Variants in NAA15 observed in about 807,000 individuals in gnomAD.
NAA15 encodes N-terminal acetyltransferase.
A neutral mutation model predicts 114.0 loss-of-function variants in NAA15; 34 were observed. The observed-to-expected ratio is 0.30, with a 90% CI of 0.23 to 0.40. NAA15 has a LOEUF of 0.40. Ranked by LOEUF, NAA15 falls within the 10% of genes least tolerant of loss-of-function variation. The pLI, the probability that NAA15 is intolerant of heterozygous loss-of-function variation, is 1.00. For synonymous variants in NAA15, 340 were observed against 338.0 expected, an observed-to-expected ratio of 1.01 and a Z score of -0.06; for missense variants, 658 against 1,004.5, an observed-to-expected ratio of 0.66 and a Z score of 4.66.
intron 12 of NAA15, 50 bp downstream of exon 12, chr4:139,359,945 T>A: frequency 6.8e-7 from 1 of 1,478,832 alleles, no homozygotes; most frequent in East Asian, 2.5e-5. Context: ...CATGAGCCAG[T>A]TCATACTTGT....
intron 1 of NAA15, among the ~76,000 whole-genome samples, chr4:139,326,405 G>A (rs551511569): frequency 1.2e-4 from 18 of 152,072 alleles, no homozygotes; most frequent in African/African-American, 4.3e-4. Context: ...CTCAGTAAAT[G>A]CTCATTAAAT....
intron 6 of NAA15, among the ~76,000 whole-genome samples, chr4:139,348,280 C>T (rs1189524271): frequency 6.6e-6 from 1 of 151,858 alleles, no homozygotes; most frequent in Non-Finnish European, 1.5e-5. Flanking sequence ...ATGGCGAAAA[C>T]CCATCTCTAC....
At chr4:139,387,461 C>T (rs1021774365) in intron 19 of NAA15, among the ~76,000 whole-genome samples, 2 of 152,164 alleles carry the variant, frequency 1.3e-5, no homozygotes, top group Non-Finnish European at 2.9e-5. Context: ...CTGGCTGGCT[C>T]TAAGCTTTCA....
intron 1 of NAA15, among the ~76,000 whole-genome samples, chr4:139,309,806 G>A (rs1049735262): frequency 3.9e-5 from 6 of 152,252 alleles, no homozygotes; most frequent in African/African-American, 1.4e-4. Context: ...GTAGTAGATG[G>A]ACAACACTAT....
intron 1 of NAA15, among the ~76,000 whole-genome samples, chr4:139,315,006 T>TTTAGTTTAGGTTAGGTTAGTTTAGG (rs773285130): frequency 9.8e-6 from 1 of 101,530 alleles, no homozygotes; most frequent in Non-Finnish European, 2.0e-5. Context: ...TTCAGTTTAG[T>TTTAGTTTAGGTTAGGTTAGTTTAGG]TTAGGTTAGG....
intron 1 of NAA15, among the ~76,000 whole-genome samples, chr4:139,322,875 A>G (rs2110868537): frequency 6.6e-6 from 1 of 151,836 alleles, no homozygotes; most frequent in South Asian, 2.1e-4. Context: ...TATTTTTAGT[A>G]GAGATGGGTT....
chr4:139,343,732 A>G lies in NAA15; in HGVS notation c.538-454A>G, dbSNP rs569437633. 2.2e-4 allele frequency among the ~76,000 whole-genome samples: 34 copies of G among 152,348 alleles called. No individual in the cohort carries two copies. The South Asian group carries it at 7.0e-3, about 32-fold the overall frequency. On this transcript the variant is annotated intron_variant, in intron 5 of 19. Coordinates refer to ENST00000296543, the MANE Select transcript of NAA15 (RefSeq NM_057175.5). Reference sequence around the variant, plus strand: ...TGGTGAAAGTTGTATTTGCAGTTGTAAACGTATTTTTCTCTCTTTGTGTTT... The same window carrying G: ...TGGTGAAAGTTGTATTTGCAGTTGTGAACGTATTTTTCTCTCTTTGTGTTT...
intron 1 of NAA15, among the ~76,000 whole-genome samples, chr4:139,307,677 C>T (rs776931636): frequency 4.6e-5 from 7 of 152,128 alleles, no homozygotes; most frequent in Non-Finnish European, 1.0e-4. Flanking sequence ...GAATGGTTAC[C>T]GTTTTGGACA....
intron 15 of NAA15, 136 bp from the exon 16 acceptor site, chr4:139,376,229 G>A: frequency 1.7e-6 from 1 of 589,420 alleles, no homozygotes; most frequent in Non-Finnish European, 2.9e-6. Context: ...GGTTATAGGA[G>A]GTTAAAATAT....
chr4:139,369,775 G>A (rs1422380471), intron 14 of NAA15, among the ~76,000 whole-genome samples: 2 of 151,602 alleles, frequency 1.3e-5, no homozygotes, highest in Admixed American at 6.6e-5. Flanking sequence ...ATACATATGG[G>A]GACATTTACA....
At chr4:139,308,178 G>C (rs972590950) in intron 1 of NAA15, among the ~76,000 whole-genome samples, 1 of 151,970 alleles carries the variant, frequency 6.6e-6, no homozygotes, top group Non-Finnish European at 1.5e-5. Flanking sequence ...AGCCAGGATG[G>C]TCTCGATCTC....
At chr4:139,333,154 GT>G (rs35845314) in intron 1 of NAA15, among the ~76,000 whole-genome samples, 53,655 of 149,654 alleles carry the variant, frequency 0.36, 11,157 homozygotes, top group East Asian at 0.5. Context: ...TATAGATGCA[GT>G]TTTTTTTTTT....
chr4:139,310,657 C>T (rs1482369445), intron 1 of NAA15, among the ~76,000 whole-genome samples: 1 of 151,526 alleles, frequency 6.6e-6, no homozygotes, highest in African/African-American at 2.4e-5. Context: ...TTTGCTCTGT[C>T]ACTCAGCCTA....
intron 11 of NAA15, 146 bp from the exon 12 acceptor site, chr4:139,359,597 C>A: frequency 1.5e-6 from 1 of 656,256 alleles, no homozygotes; most frequent in East Asian, 3.2e-5. Flanking sequence ...TGGAAGAATG[C>A]ATTTCTTTAT....
intron 1 of NAA15, among the ~76,000 whole-genome samples, chr4:139,332,084 G>C (rs1006143994): frequency 6.6e-6 from 1 of 152,050 alleles, no homozygotes; most frequent in Non-Finnish European, 1.5e-5. Context: ...TGGAGTGGCT[G>C]TTCTCTAGTT....
chr4:139,313,833 G>A (rs1190821891), intron 1 of NAA15, among the ~76,000 whole-genome samples: 2 of 151,838 alleles, frequency 1.3e-5, no homozygotes, highest in Non-Finnish European at 1.5e-5. Context: ...CACCGCGCCC[G>A]GCCTGTTACA....
intron 1 of NAA15, 167 bp downstream of exon 1, chr4:139,301,998 C>A: frequency 1.5e-6 from 1 of 653,770 alleles, no homozygotes; most frequent in Non-Finnish European, 2.4e-6. Flanking sequence ...GTGGTTCCTA[C>A]TATGGCCCGC....
At position 139,332,572 on chromosome 4, in the gene NAA15, GTTTTTTTTTTTT is replaced by G. The variant is rs1164115947; in HGVS notation, c.55-1585_55-1574del. 1.0e-3 allele frequency among the ~76,000 whole-genome samples: 64 copies of G among 62,030 alleles called. 2 individuals are homozygous for G. The highest frequency in any genetic ancestry group is 4.7e-3 in the Admixed American group (28 of 5,956). 40.7% of individuals were successfully genotyped at this position (62,030 alleles called of 152,430 possible). On this transcript the variant is annotated intron_variant, in intron 1 of 19. Transcript: ENST00000296543. The stretch of plus-strand genomic sequence containing the variant: ...ACAGTCTTGGTATTTTGGTTTGTAT[GTTTTTTTTTTTT>G]TTTTTTTTTTTTTTTTGAGACGGAG...
At chr4:139,358,254 G>A (rs985389510) in intron 11 of NAA15, among the ~76,000 whole-genome samples, 2 of 151,092 alleles carry the variant, frequency 1.3e-5, no homozygotes, top group East Asian at 1.9e-4. Flanking sequence ...GTGCAGTGGC[G>A]CGATCTCAGC....
Sources: allele counts gnomAD v4.1 joint callset (sites outside exome capture counted in the v4.1 genomes callset), GRCh38; gene constraint gnomAD v4.1.1; transcripts MANE v1.5; gene names NCBI Gene and HGNC (gene_info 2026-07-23, HGNC 2026-07-21).